The following GFRA1 variants were observed in gnomAD, a reference collection of about 807,000 sequenced individuals.
GFRA1 encodes GDNF family receptor alpha-1.
Under a neutral mutation model 51.6 loss-of-function variants are expected in GFRA1, and 16 were observed. The ratio of observed to expected loss-of-function variants is 0.31; its 90% CI spans 0.21 to 0.47. The LOEUF (loss-of-function observed/expected upper bound fraction) is 0.47. GFRA1 is among the 20% of genes least tolerant of loss of function. The pLI is 1.00. For synonymous variants in GFRA1, 270 were observed against 241.3 expected, an observed-to-expected ratio of 1.12 and a Z score of -1.10; for missense variants, 530 against 594.3, an observed-to-expected ratio of 0.89 and a Z score of 1.13.
At chr10:116,185,715 C>A (rs1319861200) in intron 5 of GFRA1, among the ~76,000 whole-genome samples, 1 of 152,176 alleles carries the variant, frequency 6.6e-6, no homozygotes. Context: ...TGTCCTGCTC[C>A]CCACCCCAAC....
In GFRA1 at chr10:116,089,795, T is replaced by A; in HGVS notation, c.1143A>T (p.Ala381=). The change falls in exon 9 of 11, where the codon GCA becomes GCT. Residue 381 remains alanine (A), a synonymous_variant. Coordinates refer to ENST00000355422, the MANE Select transcript of GFRA1 (RefSeq NM_005264.8). Reference sequence around the variant, plus strand: ...GAGTGGGAATTTCATTCTCAGACCCTGCTGGCCCCAGGGGCTTGTTCTTAA... The same window carrying A: ...GAGTGGGAATTTCATTCTCAGACCCAGCTGGCCCCAGGGGCTTGTTCTTAA... The part of the protein sequence containing the change: ...LRVKNKPLGP[A]GSENEIPTHV... The A allele has an allele frequency of 6.2e-7, 1 of 1,614,170 alleles. No homozygotes were observed. Among genetic ancestry groups the A allele is most frequent in the South Asian group, 1.1e-5 (1 of 91,082 alleles).
In GFRA1 at chr10:116,058,683, A is replaced by C. The variant is rs182793171; in HGVS notation, c.*5715T>G. The C allele has an allele frequency of 6.6e-6, 1 of 152,412 alleles. No homozygotes were observed. 9.4% of individuals were successfully genotyped at this position (152,412 alleles called of 1,614,324 possible). A position where few individuals can be genotyped will look rare whatever the true frequency, so the allele number is the denominator to read the frequency against. On this transcript the variant is annotated 3_prime_UTR_variant, in exon 11 of 11. Transcript: ENST00000355422. ...ATCTGGAAGGGATGGGTGTTTCCCT[A>C]AGCTGCTGTCAGAGGGCCCTGTGTT...
Position 116,062,662 on chromosome 10 carries a change from C to T in GFRA1, c.*1736G>A, listed in dbSNP as rs1589755938. The T allele has an allele frequency of 6.6e-6, 1 of 152,224 alleles. No individual in the cohort carries two copies. Among genetic ancestry groups the T allele is most frequent in the African/African-American group, 2.4e-5 (1 of 41,440 alleles). The allele number at this position is 152,224 out of a possible 1,614,324, so 9.4% of individuals were successfully genotyped here. On this transcript the variant is annotated 3_prime_UTR_variant, in exon 11 of 11. Coordinates refer to ENST00000355422, the MANE Select transcript of GFRA1 (RefSeq NM_005264.8). ...CTCTTCTACCAATGTGGGAAGAAAG[C>T]CAATGCTTCCCAGCACTTTCTGAAG...
chr10:116,198,341 C>T (rs1478409618), intron 5 of GFRA1, among the ~76,000 whole-genome samples: 1 of 152,158 alleles, frequency 6.6e-6, no homozygotes, highest in Non-Finnish European at 1.5e-5. Flanking sequence ...GAGAACTGCA[C>T]CTGCAATCCT....
rs1377660194 is a variant in GFRA1 at position 116,209,539 on chromosome 10, T to C, written c.433+2092A>G. ...TGTCCAGGAAGGCAGGGCCACTCAATGTTGCCATTGTGTGCATGGGCCCCA... is the reference window on the plus strand; with the variant it reads ...TGTCCAGGAAGGCAGGGCCACTCAACGTTGCCATTGTGTGCATGGGCCCCA... On this transcript the variant is annotated intron_variant, in intron 5 of 10. Transcript: ENST00000355422. 5.3e-5 allele frequency among the ~76,000 whole-genome samples: 8 copies of C among 152,232 alleles called. No homozygotes were observed. The South Asian group carries it at 1.2e-3, about 24-fold the overall frequency.
In GFRA1 at chr10:116,062,115, G is replaced by A. The variant is rs532903527; in HGVS notation, c.*2283C>T. 5 of 398,530 alleles carry A rather than the reference G, an allele frequency of 1.3e-5. No homozygotes were observed. Among genetic ancestry groups the A allele is most frequent in the Middle Eastern group, 6.3e-4 (1 of 1,586 alleles). The allele number at this position is 398,530 out of a possible 1,614,324, so 24.7% of individuals were successfully genotyped here. On this transcript the variant is annotated 3_prime_UTR_variant, in exon 11 of 11. Coordinates refer to ENST00000355422, the MANE Select transcript of GFRA1 (RefSeq NM_005264.8). ...TTCAATGAAGGCTGCCCTTGTTAGC[G>A]CTGAAACTCCCATTTCCGCTTTGGT...
chr10:116,252,810 C>T (rs1456311020), intron 4 of GFRA1, among the ~76,000 whole-genome samples: 1 of 152,104 alleles, frequency 6.6e-6, no homozygotes, highest in African/African-American at 2.4e-5. Context: ...TACAATGACA[C>T]GGCACAGCAG....
intron 5 of GFRA1, among the ~76,000 whole-genome samples, chr10:116,188,551 G>A (rs1364234452): frequency 6.6e-6 from 1 of 152,146 alleles, no homozygotes; most frequent in East Asian, 1.9e-4. Flanking sequence ...GGTGATGGCT[G>A]CACAACAATG....
intron 5 of GFRA1, among the ~76,000 whole-genome samples, chr10:116,203,119 C>G (rs1328173124): frequency 1.3e-5 from 2 of 152,096 alleles, no homozygotes; most frequent in Non-Finnish European, 2.9e-5. Flanking sequence ...GAAAGCCACT[C>G]GTCAATGAGT....
chr10:116,177,196 G>A (rs1161841508), intron 5 of GFRA1, among the ~76,000 whole-genome samples: 1 of 152,180 alleles, frequency 6.6e-6, no homozygotes, highest in Non-Finnish European at 1.5e-5. Flanking sequence ...ACAATGAGGA[G>A]TCATCCAGGG....
chr10:116,264,148 T>G (rs1216505352), intron 4 of GFRA1, among the ~76,000 whole-genome samples: 1 of 152,078 alleles, frequency 6.6e-6, no homozygotes, highest in African/African-American at 2.4e-5. Context: ...GTCATCAATG[T>G]AAGTGGTGGC....
intron 5 of GFRA1, among the ~76,000 whole-genome samples, chr10:116,193,105 A>C (rs1270212567): frequency 6.6e-6 from 1 of 152,202 alleles, no homozygotes; most frequent in Non-Finnish European, 1.5e-5. Context: ...AAGTTACTAA[A>C]GTGGCCTGGA....
At chr10:116,270,062 G>A (rs1054061704) in intron 3 of GFRA1, among the ~76,000 whole-genome samples, 5 of 152,204 alleles carry the variant, frequency 3.3e-5, no homozygotes, top group African/African-American at 1.2e-4. Context: ...AGTGACCGCT[G>A]ACAGGTCAAA....
At chr10:116,232,385 T>C (rs1288325033) in intron 4 of GFRA1, among the ~76,000 whole-genome samples, 1 of 152,164 alleles carries the variant, frequency 6.6e-6, no homozygotes. Context: ...ATATACACCA[T>C]TTGAATGAAT....
intron 9 of GFRA1, among the ~76,000 whole-genome samples, chr10:116,078,220 C>T (rs887251725): frequency 6.6e-6 from 1 of 152,116 alleles, no homozygotes; most frequent in Non-Finnish European, 1.5e-5. Flanking sequence ...CAGGGTAATA[C>T]CCAATTTTGA....
chr10:116,170,611 T>C (rs2134225250), intron 5 of GFRA1, among the ~76,000 whole-genome samples: 1 of 152,340 alleles, frequency 6.6e-6, no homozygotes, highest in Non-Finnish European at 1.5e-5. Context: ...CATGGAAATT[T>C]ATTCACATTC....
At chr10:116,150,835 A>AT (rs1959032616) in intron 5 of GFRA1, among the ~76,000 whole-genome samples, 2 of 152,186 alleles carry the variant, frequency 1.3e-5, no homozygotes, top group African/African-American at 4.8e-5. Context: ...GATGAATCTG[A>AT]TTTTTTTCTG....
intron 5 of GFRA1, among the ~76,000 whole-genome samples, chr10:116,132,865 A>G (rs1285777308): frequency 6.6e-6 from 1 of 151,980 alleles, no homozygotes; most frequent in African/African-American, 2.4e-5. Flanking sequence ...CAGCTCACAC[A>G]CCGCACGGAG....
chr10:116,184,765 G>A (rs1349350410), intron 5 of GFRA1, among the ~76,000 whole-genome samples: 3 of 152,180 alleles, frequency 2.0e-5, no homozygotes, highest in South Asian at 4.1e-4. Context: ...AGGAGGTCCT[G>A]GGAAAATAGG....
Sources: gnomAD v4.1 joint callset for allele counts (sites outside exome capture counted in the v4.1 genomes callset) on GRCh38, gnomAD v4.1.1 for gene constraint, MANE v1.5 for transcripts, NCBI Gene and HGNC (gene_info 2026-07-23, HGNC 2026-07-21) for gene names.